DNAH3: variants seen among roughly 807,000 people sequenced by gnomAD.
DNAH3 encodes axonemal beta dynein heavy chain 3.
Under a neutral mutation model 432.5 loss-of-function variants are expected in DNAH3, and 332 were observed. That is an observed-to-expected ratio of 0.77 (90% CI 0.70 to 0.84). The LOEUF is 0.84. DNAH3 is among the 40% of genes least tolerant of loss of function. The pLI is 0.00. For missense variants in DNAH3, 4,861 were observed against 5,114.0 expected (o/e 0.95, Z 1.51); for synonymous variants, 1,956 against 1,900.2 (o/e 1.03, Z -0.76).
intron 50 of DNAH3, among the ~76,000 whole-genome samples, chr16:20,977,330 T>C (rs2085640652): frequency 6.6e-6 from 1 of 152,046 alleles, no homozygotes; most frequent in Admixed American, 6.6e-5. Flanking sequence ...TGAGTCAAGA[T>C]TGCACCACTG....
At chr16:21,146,919 C>T (rs1351181754) in intron 1 of DNAH3, among the ~76,000 whole-genome samples, 1 of 151,952 alleles carries the variant, frequency 6.6e-6, no homozygotes, top group African/African-American at 2.4e-5. Flanking sequence ...TGCCACCATG[C>T]CCAGCTAATT....
intron 26 of DNAH3, among the ~76,000 whole-genome samples, chr16:21,059,066 G>A (rs2090245338): frequency 6.6e-6 from 1 of 152,060 alleles, no homozygotes; most frequent in African/African-American, 2.4e-5. Context: ...TTTAAATATT[G>A]TCTGATGCTT....
At chr16:20,995,554 C>A (rs1335995541) in intron 44 of DNAH3, among the ~76,000 whole-genome samples, 3 of 152,128 alleles carry the variant, frequency 2.0e-5, no homozygotes, top group Non-Finnish European at 2.9e-5. Context: ...TGAGCCACTG[C>A]GCCCAGACTC....
chr16:21,121,636 C>A (rs2092344277), intron 10 of DNAH3, among the ~76,000 whole-genome samples: 3 of 141,102 alleles, frequency 2.1e-5, no homozygotes, highest in Admixed American at 7.7e-5. Flanking sequence ...GAGTCTCGCT[C>A]TGTCGCCCAG....
chr16:21,152,833 G>A (rs1353018466), intron 1 of DNAH3, among the ~76,000 whole-genome samples: 1 of 152,244 alleles, frequency 6.6e-6, no homozygotes, highest in Non-Finnish European at 1.5e-5. Context: ...CTGCCTTCCC[G>A]CGGGGCAGGG....
At chr16:21,041,678 G>GT (rs201186206) in intron 32 of DNAH3, among the ~76,000 whole-genome samples, 29 of 151,916 alleles carry the variant, frequency 1.9e-4, no homozygotes, top group Admixed American at 9.8e-4. Flanking sequence ...CTTTCGCTTT[G>GT]TTTTTTTTGA....
intron 18 of DNAH3, among the ~76,000 whole-genome samples, chr16:21,094,274 G>T (rs2091616976): frequency 6.6e-6 from 1 of 152,266 alleles, no homozygotes; most frequent in African/African-American, 2.4e-5. Context: ...ATATACAAAT[G>T]ACAGGTATGC....
In DNAH3 at chr16:21,143,927, G is replaced by T. The variant is rs183649069; in HGVS notation, c.448+1254C>A. Among the ~76,000 whole-genome samples, 35 of 152,278 alleles carry T rather than the reference G, an allele frequency of 2.3e-4. 1 individual carries two copies. The South Asian group carries it at 3.5e-3, about 15-fold the overall frequency. ...CATGAAAAACTCAAGACTGAACAGA[G>T]TTGAAGAGAAAATTAGTAAATTGGA... is the stretch of plus-strand genomic sequence containing the variant. On this transcript the variant is annotated intron_variant, in intron 3 of 61. Transcript: ENST00000261383.
At chr16:21,002,652 G>A (rs370805245) in intron 42 of DNAH3, among the ~76,000 whole-genome samples, 5 of 151,974 alleles carry the variant, frequency 3.3e-5, no homozygotes, top group South Asian at 2.1e-4. Flanking sequence ...GTAGAGATGC[G>A]GTTTCACCAT....
intron 11 of DNAH3, among the ~76,000 whole-genome samples, chr16:21,119,209 G>A (rs2092279176): frequency 6.6e-6 from 1 of 152,186 alleles, no homozygotes. Flanking sequence ...GATCACAAGT[G>A]GGCAGGATAA....
chr16:20,969,641 GCA>G (rs1171671553), intron 52 of DNAH3, 149 bp downstream of exon 52: 2 of 858,510 alleles, frequency 2.3e-6, no homozygotes, highest in African/African-American at 1.7e-5. Context: ...GGCCTTGGGT[GCA>G]CACACACAGC....
intron 44 of DNAH3, among the ~76,000 whole-genome samples, chr16:20,995,162 T>C (rs893558350): frequency 3.3e-5 from 5 of 152,150 alleles, no homozygotes; most frequent in African/African-American, 1.2e-4. Context: ...CCCAGGCTGG[T>C]CTCAAATTCC....
chr16:21,047,211 G>A (rs1261061489), intron 31 of DNAH3, among the ~76,000 whole-genome samples: 1 of 146,706 alleles, frequency 6.8e-6, no homozygotes, highest in Non-Finnish European at 1.5e-5. Flanking sequence ...TCCTGAATCT[G>A]AACGTTGGCC....
At chr16:20,995,546 A>G (rs1288403228) in intron 44 of DNAH3, among the ~76,000 whole-genome samples, 2 of 152,168 alleles carry the variant, frequency 1.3e-5, no homozygotes, top group Non-Finnish European at 2.9e-5. Flanking sequence ...TATAGGCATG[A>G]GCCACTGCGC....
intron 11 of DNAH3, 36 bp from the exon 12 acceptor site, chr16:21,117,375 C>A: frequency 8.3e-7 from 1 of 1,200,118 alleles, no homozygotes; most frequent in Non-Finnish European, 1.2e-6. Flanking sequence ...TGTTGCAAGA[C>A]TTAAGAAGGG....
rs767694374 is a variant in DNAH3 at position 21,022,073 on chromosome 16, G to C, written c.5674C>G (p.Gln1892Glu). The C allele has an allele frequency of 1.2e-5, 20 of 1,613,880 alleles. No individual in the cohort carries two copies. The highest frequency in any genetic ancestry group is 1.5e-5 in the Non-Finnish European group (18 of 1,179,984). ...AGGCGACCAAATTCCAGGCAGGGCT[G>C]GACAAGCCACATGAACATGTCATTG... The change falls in exon 40 of 62, where the codon CAG (glutamine) becomes GAG (glutamate). Residue 1892 changes from glutamine to glutamate, a missense_variant. Coordinates refer to ENST00000261383, the Ensembl canonical transcript of DNAH3.
At chr16:21,121,369 T>C (rs1321635439) in intron 10 of DNAH3, among the ~76,000 whole-genome samples, 1 of 152,212 alleles carries the variant, frequency 6.6e-6, no homozygotes, top group Non-Finnish European at 1.5e-5. Flanking sequence ...ATGGTTATTC[T>C]CTCTAGAAGC....
intron 26 of DNAH3, among the ~76,000 whole-genome samples, chr16:21,059,311 C>T (rs1166239396): frequency 1.3e-5 from 2 of 152,126 alleles, no homozygotes; most frequent in Non-Finnish European, 2.9e-5. Flanking sequence ...CTGGTAACTG[C>T]TTTTCTTTAA....
intron 57 of DNAH3, among the ~76,000 whole-genome samples, chr16:20,946,617 C>T (rs937617731): frequency 1.1e-4 from 16 of 152,066 alleles, no homozygotes; most frequent in African/African-American, 3.6e-4. Context: ...GTGTAATATA[C>T]ATATATATCT....
Sources: allele counts gnomAD v4.1 joint callset (sites outside exome capture counted in the v4.1 genomes callset), GRCh38; gene constraint gnomAD v4.1.1; transcripts MANE v1.5; gene names NCBI Gene and HGNC (gene_info 2026-07-23, HGNC 2026-07-21).